APOB: variants seen among roughly 807,000 people sequenced by gnomAD.
The protein encoded by APOB is apolipoprotein B, also known as apolipoprotein B-100.
Under a neutral mutation model 314.1 loss-of-function variants are expected in APOB, and 153 were observed. That is an observed-to-expected ratio of 0.49 (90% CI 0.43 to 0.56). The LOEUF (loss-of-function observed/expected upper bound fraction) is 0.56, where lower values mean the gene tolerates loss of function less well. APOB is among the 20% of genes least tolerant of loss of function. APOB has a pLI of 0.00. For missense variants in APOB, 5,430 were observed against 5,350.7 expected (o/e 1.01, Z -0.46); for synonymous variants, 2,087 against 2,036.4 (o/e 1.02, Z -0.67).
chr2:21,043,857 C>T lies in APOB; in HGVS notation c.82+7G>A, dbSNP rs1215326499. On this transcript the variant is annotated splice_region_variant and intron_variant, in intron 1 of 28. Coordinates refer to ENST00000233242, the MANE Select transcript of APOB (RefSeq NM_000384.3). ...CCTCTGCGCCCGCAGAGCGGCCGCG[C>T]ACTCACCGGCCCTGGCGCCCGCCAG... is the stretch of plus-strand genomic sequence containing the variant. The T allele has an allele frequency of 1.3e-6, 2 of 1,521,082 alleles. No individual in the cohort carries two copies. The highest frequency in any genetic ancestry group is 1.8e-6 in the Non-Finnish European group (2 of 1,139,976). The allele number at this position is 1,521,082 out of a possible 1,614,324, so 94.2% of individuals were successfully genotyped here.
chr2:21,019,175 T>C, intron 19 of APOB, 62 bp from the exon 20 acceptor site: 1 of 1,607,310 alleles, frequency 6.2e-7, no homozygotes, highest in South Asian at 1.1e-5. Context: ...GTGATTATGT[T>C]CCCAAAACAA....
chr2:21,018,366 C>A (rs1433915762), intron 20 of APOB, among the ~76,000 whole-genome samples: 1 of 152,208 alleles, frequency 6.6e-6, no homozygotes, highest in East Asian at 1.9e-4. Flanking sequence ...AGCCAAAGTT[C>A]TTACCATGGC....
Position 21,022,960 on chromosome 2 carries a change from C to T in APOB, c.2687G>A (p.Arg896Lys), listed in dbSNP as rs1572792937. The T allele has an allele frequency of 6.2e-7, 1 of 1,614,216 alleles. No homozygotes were observed. Among genetic ancestry groups the T allele is most frequent in the East Asian group, 2.2e-5 (1 of 44,892 alleles). Residue 896 changes from arginine to lysine, a missense_variant, in exon 18 of 29, where the codon AGG becomes AAG. Physicochemically the swap from Arg to Lys is conservative, Grantham distance 26 (BLOSUM62 2). Around this residue, in one of 3 missense-constraint regions of APOB, gnomAD observed 2,085 missense variants for 2,079.7 expected, o/e 1.00. Coordinates refer to ENST00000233242, the MANE Select transcript of APOB (RefSeq NM_000384.3). The stretch of plus-strand genomic sequence containing the variant: ...GTTGGTGTTCATCTGGACCCCACTC[C>T]TAGCGAAGTCCGGAATGATGATGCC... ...NMGIIIPDFARSGVQMNTNFF... is the reference protein window; with the variant it reads ...NMGIIIPDFAKSGVQMNTNFF...
intron 28 of APOB, 138 bp from the exon 29 acceptor site, chr2:21,003,472 G>A (rs1663052880): frequency 2.6e-6 from 2 of 777,818 alleles, no homozygotes; most frequent in Admixed American, 2.2e-5. Context: ...TCTTTCATAT[G>A]TCAGTTCATG....
At position 21,022,902 on chromosome 2, in the gene APOB, A is replaced by G; in HGVS notation, c.2745T>C (p.Val915=). 6.2e-7 allele frequency: 1 copy of G among 1,614,188 alleles called. No individual in the cohort carries two copies. Among genetic ancestry groups the G allele is most frequent in the East Asian group, 2.2e-5 (1 of 44,888 alleles). ...ACTTCAGCTTCCCAGCTTTTAGGGC[A>G]ACATGAGCCTCCAGACCCGACTCGT... ...FFHESGLEAH[V]ALKAGKLKFI... is the part of the protein sequence containing the mutation. The change falls in exon 18 of 29, where the codon GTT becomes GTC. Residue 915 remains valine (V), a synonymous_variant. Transcript: ENST00000233242.
chr2:21,033,109 C>T (rs569678331), intron 9 of APOB, among the ~76,000 whole-genome samples, 190 bp downstream of exon 9: 34 of 152,182 alleles, frequency 2.2e-4, no homozygotes, highest in African/African-American at 3.1e-4. Flanking sequence ...ACACAGTATG[C>T]GCGTGTGTGT....
intron 17 of APOB, among the ~76,000 whole-genome samples, 185 bp from the exon 18 acceptor site, chr2:21,023,227 A>G (rs1663656964): frequency 1.3e-5 from 2 of 152,160 alleles, no homozygotes; most frequent in African/African-American, 4.8e-5. Flanking sequence ...GGAGTATACT[A>G]CCCAGAACTA....
At position 21,013,439 on chromosome 2, in the gene APOB, A is replaced by G. The variant is rs1663386084; in HGVS notation, c.3937T>C (p.Leu1313=). 6.2e-7 allele frequency: 1 copy of G among 1,614,102 alleles called. No homozygotes were observed. ...GGKSSRDLKM[L]ETVRTPALHF... is the part of the protein sequence containing the mutation. ...AGGGCTGGTGTCCTAACAGTCTCTA[A>G]CATCTTTAGATCTCTGGAGGATTTG... The change falls in exon 25 of 29, where the codon TTA becomes CTA. Residue 1313 remains leucine, a synonymous_variant. Transcript: ENST00000233242.
chr2:21,006,330 A>G lies in APOB; in HGVS notation c.10538T>C (p.Ile3513Thr), dbSNP rs1327820073. 5.0e-6 allele frequency: 8 copies of G among 1,613,972 alleles called. No individual in the cohort carries two copies. Among genetic ancestry groups the G allele is most frequent in the Non-Finnish European group, 6.8e-6 (8 of 1,179,978 alleles). The change falls in exon 26 of 29, where the codon ATT becomes ACT. Residue 3513 changes from isoleucine to threonine, a missense_variant. By Grantham distance (89) the Ile-to-Thr change is moderately conservative (BLOSUM62 -1). Around this residue, in one of 3 missense-constraint regions of APOB, gnomAD observed 3,281 missense variants for 3,171.0 expected, o/e 1.03. Coordinates refer to ENST00000233242, the MANE Select transcript of APOB (RefSeq NM_000384.3). Reference protein sequence around the residue: ...SVLSREYSGTIASEANTYLNS... With the variant: ...SVLSREYSGTTASEANTYLNS... ...CAAGTAAGTGTTGGCCTCACTAGCA[A>G]TAGTTCCTGAATATTCCCGAGAAAG... is the stretch of plus-strand genomic sequence containing the variant.
At chr2:21,026,630 C>G (rs1463274169) in intron 15 of APOB, among the ~76,000 whole-genome samples, 158 bp downstream of exon 15, 1 of 152,152 alleles carries the variant, frequency 6.6e-6, no homozygotes, top group East Asian at 1.9e-4. Flanking sequence ...TCTTTAACTG[C>G]AGAGGATACT....
At chr2:21,015,052 G>C (rs1206474914) in intron 23 of APOB, 21 bp downstream of exon 23, 2 of 1,608,052 alleles carry the variant, frequency 1.2e-6, no homozygotes, top group Admixed American at 1.7e-5. Flanking sequence ...TGTATTTATT[G>C]ACTGGCAGAC....
At position 21,016,712 on chromosome 2, in the gene APOB, C is replaced by A. The variant is rs12713868; in HGVS notation, c.3122-63G>T. 4.6e-5 allele frequency: 50 copies of A among 1,078,604 alleles called. No homozygotes were observed. The African/African-American group carries it at 5.1e-4, about 11-fold the overall frequency. 66.8% of individuals were successfully genotyped at this position (1,078,604 alleles called of 1,614,324 possible). On this transcript the variant is annotated intron_variant, in intron 20 of 28. Transcript: ENST00000233242. ...AAGAAGCTATGTTTTGGGCCGGGTG[C>A]GGTGGCTCACACCTGTAATCCCAGC...
rs755165963 is a variant in APOB at position 21,034,776 on chromosome 2, G to C, written c.904+40C>G. ...GGCTAAGCCATGATAGGCACATCTT[G>C]AGTAGATTTTCCAGCAACTATGTGG... is the stretch of plus-strand genomic sequence containing the variant. On this transcript the variant is annotated intron_variant, in intron 8 of 28. Transcript: ENST00000233242. 33 of 1,139,758 alleles carry C rather than the reference G, an allele frequency of 2.9e-5. No individual in the cohort carries two copies. The East Asian group carries it at 7.7e-4, about 27-fold the overall frequency. 70.6% of individuals were successfully genotyped at this position (1,139,758 alleles called of 1,614,324 possible). A position where few individuals can be genotyped will look rare whatever the true frequency, so the allele number is the denominator to read the frequency against.
rs934843631 is a variant in APOB, at chr2:21,026,676, A to G, written c.2244+112T>C. 36 of 930,568 alleles carry G rather than the reference A, an allele frequency of 3.9e-5. No individual in the cohort carries two copies. The Middle Eastern group carries it at 9.0e-4, about 23-fold the overall frequency. The allele number at this position is 930,568 out of a possible 1,614,324, so 57.6% of individuals were successfully genotyped here. ...CCAGCAGGTCTGGTTGATAAAAACC[A>G]TAGTTATCCCTTCAGTTAGATAGTA... On this transcript the variant is annotated intron_variant, in intron 15 of 28. Transcript: ENST00000233242.
intron 18 of APOB, among the ~76,000 whole-genome samples, chr2:21,021,444 C>T (rs1368360926): frequency 6.6e-6 from 1 of 152,204 alleles, no homozygotes; most frequent in African/African-American, 2.4e-5. Flanking sequence ...ATCTTCCACA[C>T]TAGAGTCAGA....
intron 1 of APOB, 76 bp downstream of exon 1, chr2:21,043,788 C>A: frequency 6.6e-7 from 1 of 1,520,086 alleles, no homozygotes; most frequent in Non-Finnish European, 8.8e-7. Flanking sequence ...GGCCTAGGCC[C>A]AGGCTGCCCC....
rs756184175 is a variant in APOB, at chr2:21,026,872, G to A, written c.2160C>T (p.Tyr720=). 4.0e-5 allele frequency: 65 copies of A among 1,613,936 alleles called. No homozygotes were observed. The highest frequency in any genetic ancestry group is 3.0e-4 in the Admixed American group (18 of 60,000). ...FFPDSVNKAL[Y]WVNGQVPDGV... ...CATCAGGAACTTGACCATTAACCCA[G>A]TACAAAGCTTTGTTGACACTGTCTG... The change falls in exon 15 of 29, where the codon TAC becomes TAT. Residue 720 remains tyrosine, a synonymous_variant. Coordinates refer to ENST00000233242, the MANE Select transcript of APOB (RefSeq NM_000384.3).
At chr2:21,020,482 A>G (rs1470919168) in intron 18 of APOB, among the ~76,000 whole-genome samples, 1 of 152,050 alleles carries the variant, frequency 6.6e-6, no homozygotes, top group African/African-American at 2.4e-5. Flanking sequence ...GCTTTCATCA[A>G]TGTCTCTAAT....
Position 21,011,737 on chromosome 2 carries a change from C to A in APOB, c.5131G>T (p.Gly1711Ter). ...AGAATCATGGCCTGATAAGCACTTC[C>A]CAGTGATAGCTCTGTGAGGGCGGCT... ...GKAALTELSL[G>*]SAYQAMILGV... is the part of the protein sequence containing the mutation. Residue 1711 changes from glycine (G) to a stop codon, truncating the protein, a stop_gained, in exon 26 of 29, where the codon GGA becomes TGA. Transcript: ENST00000233242. LOFTEE classifies it high-confidence loss of function. The A allele has an allele frequency of 1.9e-6, 3 of 1,614,092 alleles. No individual in the cohort carries two copies. The highest frequency in any genetic ancestry group is 2.5e-6 in the Non-Finnish European group (3 of 1,180,026).
Sources: allele counts gnomAD v4.1 joint callset (sites outside exome capture counted in the v4.1 genomes callset), GRCh38; gene constraint gnomAD v4.1.1; regional missense constraint gnomAD v4.1.1; transcripts MANE v1.5; gene names NCBI Gene and HGNC (gene_info 2026-07-23, HGNC 2026-07-21).